MRPS6: variants seen among roughly 807,000 people sequenced by gnomAD.
MRPS6 encodes mitochondrial ribosomal protein S6.
Under a neutral mutation model 13.1 loss-of-function variants are expected in MRPS6, and 6 were observed. That is an observed-to-expected ratio of 0.46 (90% CI 0.25 to 0.91). The LOEUF (loss-of-function observed/expected upper bound fraction) is 0.91, where lower values mean the gene tolerates loss of function less well. MRPS6 is among the 40% of genes least tolerant of loss of function. The probability of loss-of-function intolerance (pLI) is 0.18; values close to 1 mark genes in which losing one functional copy is unlikely to be tolerated. For missense variants in MRPS6, 164 were observed against 155.6 expected (o/e 1.05, Z -0.29); for synonymous variants, 61 against 56.5 (o/e 1.08, Z -0.36).
chr21:34,108,995 T>C (rs1232357978), intron 1 of MRPS6, among the ~76,000 whole-genome samples: 9 of 152,212 alleles, frequency 5.9e-5, no homozygotes. Context: ...CTTGGTTTCA[T>C]GCCTTTGCTC....
intron 1 of MRPS6, among the ~76,000 whole-genome samples, chr21:34,077,517 T>G (rs904668239): frequency 6.6e-6 from 1 of 152,190 alleles, no homozygotes; most frequent in Non-Finnish European, 1.5e-5. Context: ...GTTAATGGCT[T>G]AATAACTAAT....
At chr21:34,113,325 A>T (rs1003301583) in intron 1 of MRPS6, among the ~76,000 whole-genome samples, 8 of 152,204 alleles carry the variant, frequency 5.3e-5, no homozygotes, top group African/African-American at 1.9e-4. Flanking sequence ...GGATCAACCT[A>T]AGTGTCCATC....
intron 1 of MRPS6, among the ~76,000 whole-genome samples, chr21:34,084,316 A>G (rs1330495690): frequency 2.0e-5 from 3 of 152,174 alleles, no homozygotes; most frequent in Non-Finnish European, 2.9e-5. Flanking sequence ...AGTCACATGG[A>G]AAGATGAGCA....
At chr21:34,140,454 T>A (rs985794686) in intron 2 of MRPS6, among the ~76,000 whole-genome samples, 2 of 152,246 alleles carry the variant, frequency 1.3e-5, no homozygotes, top group African/African-American at 4.8e-5. Flanking sequence ...ATAACTTGAA[T>A]CCCTTTATGT....
intron 1 of MRPS6, chr21:34,103,395 C>T: frequency 1.0e-6 from 1 of 994,482 alleles, no homozygotes; most frequent in Non-Finnish European, 1.2e-6. Context: ...CCAGGTAGTT[C>T]TGTATTTGTG....
At chr21:34,123,685 T>G (rs940375025) in intron 1 of MRPS6, 2 of 152,306 alleles carry the variant, frequency 1.3e-5, no homozygotes, top group Middle Eastern at 3.4e-3. Context: ...CCGCTCCTTT[T>G]TGACTACCAA....
At chr21:34,076,721 A>G (rs1297327700) in intron 1 of MRPS6, among the ~76,000 whole-genome samples, 1 of 152,244 alleles carries the variant, frequency 6.6e-6, no homozygotes, top group Non-Finnish European at 1.5e-5. Context: ...TATGACGGTA[A>G]AGTAATGGAT....
chr21:34,098,116 A>G (rs1979058148), intron 1 of MRPS6: 2 of 999,812 alleles, frequency 2.0e-6, no homozygotes, highest in Non-Finnish European at 1.2e-6. Flanking sequence ...AATGAAGTAA[A>G]TGTTGCTGAT....
At chr21:34,084,410 A>G (rs1202909725) in intron 1 of MRPS6, among the ~76,000 whole-genome samples, 1 of 152,180 alleles carries the variant, frequency 6.6e-6, no homozygotes, top group Non-Finnish European at 1.5e-5. Flanking sequence ...AAAAACACAA[A>G]GTTGACCTGG....
At chr21:34,124,489 T>C (rs540914174) in intron 1 of MRPS6, 4 of 151,996 alleles carry the variant, frequency 2.6e-5, no homozygotes, top group African/African-American at 9.7e-5. Flanking sequence ...GATTCTATAT[T>C]GTTCAAGCTT....
intron 2 of MRPS6, among the ~76,000 whole-genome samples, chr21:34,133,186 C>T (rs1033406186): frequency 6.6e-6 from 1 of 152,192 alleles, no homozygotes; most frequent in Non-Finnish European, 1.5e-5. Context: ...TTATGAAAGA[C>T]ACTTCTTTTT....
At position 34,142,887 on chromosome 21, in the gene MRPS6, C is replaced by G. The variant is rs187683000; in HGVS notation, c.*287C>G. The G allele has an allele frequency of 6.1e-5, 15 of 247,016 alleles. 1 individual carries two copies. The East Asian group carries it at 1.0e-3, about 17-fold the overall frequency. 15.3% of individuals were successfully genotyped at this position (247,016 alleles called of 1,614,324 possible). The stretch of plus-strand genomic sequence containing the variant: ...ACTTTTCCCCTTACAACAGTAACAC[C>G]ATTTTTTGAAGAGCAAAACTTATAA... On this transcript the variant is annotated 3_prime_UTR_variant, in exon 3 of 3. Transcript: ENST00000399312.
At chr21:34,126,543 C>T (rs1160267699) in intron 2 of MRPS6, among the ~76,000 whole-genome samples, 2 of 152,260 alleles carry the variant, frequency 1.3e-5, no homozygotes, top group African/African-American at 4.8e-5. Context: ...TGCACAGTGG[C>T]TAGGCTTCTT....
Position 34,119,720 on chromosome 21 carries a change from G to A in MRPS6, c.46-5621G>A, listed in dbSNP as rs192432655. Reference sequence around the variant, plus strand: ...CTGGCTTAAAACTGTCTTTCCCATAGAGTCTAATTTCTAAGATAATTTTGT... The same window carrying A: ...CTGGCTTAAAACTGTCTTTCCCATAAAGTCTAATTTCTAAGATAATTTTGT... On this transcript the variant is annotated intron_variant, in intron 1 of 2. Coordinates refer to ENST00000399312, the MANE Select transcript of MRPS6 (RefSeq NM_032476.4). Among the ~76,000 whole-genome samples, 930 of 152,286 alleles carry A rather than the reference G, an allele frequency of 6.1e-3. 8 individuals carry two copies. Among genetic ancestry groups the A allele is most frequent in the Non-Finnish European group, 6.1e-3 (414 of 68,020 alleles).
intron 1 of MRPS6, among the ~76,000 whole-genome samples, chr21:34,088,492 T>C (rs1168958647): frequency 6.6e-6 from 1 of 152,282 alleles, no homozygotes; most frequent in Non-Finnish European, 1.5e-5. Context: ...TCTTACGTGC[T>C]GTTTGCAGTC....
At chr21:34,091,953 C>T (rs868323321) in intron 1 of MRPS6, among the ~76,000 whole-genome samples, 4 of 151,804 alleles carry the variant, frequency 2.6e-5, no homozygotes, top group African/African-American at 7.3e-5. Flanking sequence ...GAGAGGTTTG[C>T]GTGAATGATG....
rs150351667 is a variant in MRPS6, at chr21:34,139,336, TA to T, written c.186-3063del. ...ATGTACCCTAAAACTTAAAGTATAA[TA>T]AAAAAAAATTGGTATTTTTGCCTTA... On this transcript the variant is annotated intron_variant, in intron 2 of 2. Transcript: ENST00000399312. Among the ~76,000 whole-genome samples the T allele has an allele frequency of 2.4e-4, 36 of 151,566 alleles. No individual in the cohort carries two copies. In the South Asian group the frequency reaches 4.0e-3, roughly 17 times the overall value.
At chr21:34,095,859 T>C in intron 1 of MRPS6, 1 of 1,614,104 alleles carries the variant, frequency 6.2e-7, no homozygotes, top group Non-Finnish European at 8.5e-7. Context: ...CATGTTGGCC[T>C]CACCCGATGT....
chr21:34,092,344 TTTTG>T (rs1486957739), intron 1 of MRPS6, among the ~76,000 whole-genome samples: 24 of 108,726 alleles, frequency 2.2e-4, no homozygotes, highest in Non-Finnish European at 7.4e-5. Flanking sequence ...TCTGCATGTG[TTTTG>T]TTTAAGTTGG....
Sources: allele counts gnomAD v4.1 joint callset (sites outside exome capture counted in the v4.1 genomes callset), GRCh38; gene constraint gnomAD v4.1.1; transcripts MANE v1.5; gene names NCBI Gene and HGNC (gene_info 2026-07-23, HGNC 2026-07-21).